The following PALLD variants were observed in gnomAD, a reference collection of about 807,000 sequenced individuals.
PALLD encodes the protein palladin, cytoskeletal associated protein.
A neutral mutation model predicts 123.5 loss-of-function variants in PALLD; 61 were observed. That is an observed-to-expected ratio of 0.49 (90% CI 0.40 to 0.61). The LOEUF (loss-of-function observed/expected upper bound fraction) is 0.61. PALLD is among the 20% of genes least tolerant of loss of function. The pLI, the probability that PALLD is intolerant of heterozygous loss-of-function variation, is 0.00. For missense variants in PALLD, 1,273 were observed against 1,377.0 expected (o/e 0.92, Z 1.20); for synonymous variants, 465 against 496.4 (o/e 0.94, Z 0.84).
intron 2 of PALLD, among the ~76,000 whole-genome samples, chr4:168,613,087 C>T (rs1773893578): frequency 6.6e-6 from 1 of 152,156 alleles, no homozygotes. Flanking sequence ...GGTGGCATGA[C>T]AGAAAAACTG....
rs140766172 is a variant in PALLD, at chr4:168,716,847, A to G, written c.1964+4924A>G. 5.9e-3 allele frequency among the ~76,000 whole-genome samples: 898 copies of G among 152,316 alleles called. 8 individuals are homozygous for G. The highest frequency in any genetic ancestry group is 0.019 in the African/African-American group (804 of 41,576). ...ATTCTCTTTATTAGTGAGGTTTTCC[A>G]TATTTGGAAATTCCTGATGGGTTTC... is the stretch of plus-strand genomic sequence containing the variant. On this transcript the variant is annotated intron_variant, in intron 10 of 21. Coordinates refer to ENST00000505667, the MANE Select transcript of PALLD (RefSeq NM_001166108.2).
chr4:168,751,926 A>C (rs1195483992), intron 10 of PALLD, among the ~76,000 whole-genome samples: 1 of 152,220 alleles, frequency 6.6e-6, no homozygotes, highest in Non-Finnish European at 1.5e-5. Context: ...GAGATGAAAT[A>C]AGATTGTCCT....
At chr4:168,724,129 G>A (rs576426242) in intron 10 of PALLD, among the ~76,000 whole-genome samples, 39 of 152,044 alleles carry the variant, frequency 2.6e-4, no homozygotes, top group Non-Finnish European at 5.1e-4. Flanking sequence ...TCTTGACCTC[G>A]TGTTGAATTG....
intron 18 of PALLD, among the ~76,000 whole-genome samples, chr4:168,922,009 G>C (rs2126506011): frequency 6.6e-6 from 1 of 151,572 alleles, no homozygotes; most frequent in African/African-American, 2.4e-5. Flanking sequence ...GTGGCCCCTA[G>C]TGTTACATAG....
intron 10 of PALLD, among the ~76,000 whole-genome samples, chr4:168,713,581 A>G (rs1188566602): frequency 6.6e-6 from 1 of 152,210 alleles, no homozygotes; most frequent in Non-Finnish European, 1.5e-5. Flanking sequence ...GAGTTTCAAC[A>G]GCTCTGCAGC....
At chr4:168,522,810 A>G (rs1402854692) in intron 2 of PALLD, among the ~76,000 whole-genome samples, 1 of 152,222 alleles carries the variant, frequency 6.6e-6, no homozygotes, top group Non-Finnish European at 1.5e-5. Context: ...GAGCCAAGAA[A>G]TAGCATCCTA....
intron 2 of PALLD, among the ~76,000 whole-genome samples, chr4:168,636,962 T>A (rs972603346): frequency 3.9e-5 from 6 of 152,104 alleles, no homozygotes; most frequent in African/African-American, 1.4e-4. Flanking sequence ...GTCACAAGCA[T>A]GCTTTGCTGG....
intron 2 of PALLD, among the ~76,000 whole-genome samples, chr4:168,587,024 C>A (rs562900842): frequency 1.3e-5 from 2 of 152,098 alleles, no homozygotes; most frequent in African/African-American, 4.8e-5. Context: ...AGAGACATTT[C>A]GGTTGTCACC....
At chr4:168,679,965 T>C (rs1479436411) in intron 3 of PALLD, among the ~76,000 whole-genome samples, 2 of 151,982 alleles carry the variant, frequency 1.3e-5, no homozygotes, top group African/African-American at 4.8e-5. Flanking sequence ...CCAGCAGAGT[T>C]ACCTAAACAT....
intron 2 of PALLD, among the ~76,000 whole-genome samples, chr4:168,516,121 C>T (rs1419335738): frequency 1.1e-4 from 17 of 152,034 alleles, no homozygotes; most frequent in Admixed American, 1.1e-3. Context: ...AACAAAATCT[C>T]AACAAGAGAA....
At chr4:168,696,991 C>T (rs1192689126) in intron 8 of PALLD, among the ~76,000 whole-genome samples, 1 of 152,060 alleles carries the variant, frequency 6.6e-6, no homozygotes, top group Non-Finnish European at 1.5e-5. Context: ...GGAATAAACC[C>T]AGACCCAGGC....
chr4:168,791,635 A>C (rs899225198), intron 10 of PALLD, among the ~76,000 whole-genome samples: 1 of 152,178 alleles, frequency 6.6e-6, no homozygotes, highest in South Asian at 2.1e-4. Context: ...CGTAAGGATT[A>C]TGGGGATTAC....
intron 10 of PALLD, among the ~76,000 whole-genome samples, chr4:168,829,644 G>C (rs1019723349): frequency 3.9e-5 from 6 of 152,182 alleles, no homozygotes; most frequent in African/African-American, 1.4e-4. Context: ...TTTAGTCAGT[G>C]TCCCATCACA....
chr4:168,719,147 C>T (rs1327367828), intron 10 of PALLD, among the ~76,000 whole-genome samples: 1 of 151,688 alleles, frequency 6.6e-6, no homozygotes, highest in Non-Finnish European at 1.5e-5. Context: ...ACCTCGTGAC[C>T]CACCCGTCTT....
chr4:168,733,893 C>T (rs1047510022), intron 10 of PALLD, among the ~76,000 whole-genome samples: 21 of 152,276 alleles, frequency 1.4e-4, no homozygotes, highest in African/African-American at 4.1e-4. Context: ...CGCCACCGCA[C>T]CTGGCTAATT....
chr4:168,704,988 A>G (rs1448491550), intron 8 of PALLD, among the ~76,000 whole-genome samples: 1 of 152,140 alleles, frequency 6.6e-6, no homozygotes, highest in African/African-American at 2.4e-5. Flanking sequence ...TTAATTTTTA[A>G]TTGCCTAAAA....
intron 2 of PALLD, among the ~76,000 whole-genome samples, chr4:168,609,879 T>C (rs986932809): frequency 2.0e-5 from 3 of 152,184 alleles, no homozygotes; most frequent in African/African-American, 7.2e-5. Context: ...TCAATGCAGA[T>C]ATTGTCCTCC....
intron 2 of PALLD, among the ~76,000 whole-genome samples, chr4:168,625,696 A>C (rs1775199657): frequency 6.6e-6 from 1 of 152,002 alleles, no homozygotes; most frequent in African/African-American, 2.4e-5. Context: ...GAGAACAGAA[A>C]ATCAAAACCC....
intron 8 of PALLD, among the ~76,000 whole-genome samples, chr4:168,693,078 C>T (rs1031134018): frequency 1.3e-5 from 2 of 148,796 alleles, no homozygotes; most frequent in African/African-American, 2.6e-5. Flanking sequence ...ATCCTACATA[C>T]GCTCCTTCTG....
Sources: gnomAD v4.1 joint callset for allele counts (sites outside exome capture counted in the v4.1 genomes callset) on GRCh38, gnomAD v4.1.1 for gene constraint, MANE v1.5 for transcripts, NCBI Gene and HGNC (gene_info 2026-07-23, HGNC 2026-07-21) for gene names.